Variants in SLIT2 observed in about 807,000 individuals in gnomAD.
SLIT2 encodes the protein slit homolog 2 protein.
Under a neutral mutation model 185.7 loss-of-function variants are expected in SLIT2, and 41 were observed. The observed-to-expected ratio is 0.22, with a 90% CI of 0.17 to 0.29. The LOEUF is 0.29. Ranked by LOEUF, SLIT2 falls within the 10% of genes least tolerant of loss-of-function variation. SLIT2 has a pLI of 1.00. For synonymous variants in SLIT2, 693 were observed against 680.2 expected (o/e 1.02, Z -0.29); for missense variants, 1,571 against 1,909.0 (o/e 0.82, Z 3.30).
intron 4 of SLIT2, among the ~76,000 whole-genome samples, chr4:20,432,421 A>C (rs1320039832): frequency 6.6e-6 from 1 of 152,152 alleles, no homozygotes; most frequent in Non-Finnish European, 1.5e-5. Context: ...AGGTCAGAAA[A>C]TGTGTGGGAA....
At chr4:20,530,964 A>T (rs1163270582) in intron 16 of SLIT2, among the ~76,000 whole-genome samples, 1 of 142,442 alleles carries the variant, frequency 7.0e-6, no homozygotes, top group African/African-American at 2.5e-5. Context: ...TGGAATGGCT[A>T]AAAAAAAAAA....
chr4:20,363,968 T>G (rs1722926290), intron 4 of SLIT2, among the ~76,000 whole-genome samples: 2 of 152,150 alleles, frequency 1.3e-5, no homozygotes, highest in African/African-American at 4.8e-5. Flanking sequence ...AAGCAATGTT[T>G]CTAAGTTTCT....
At position 20,291,492 on chromosome 4, in the gene SLIT2, ATTTTTTTTTTTTTT is replaced by A. The variant is rs1157453738; in HGVS notation, c.395+22629_395+22642del. On this transcript the variant is annotated intron_variant, in intron 4 of 36. Coordinates refer to ENST00000504154, the MANE Select transcript of SLIT2 (RefSeq NM_004787.4). Reference sequence around the variant, plus strand: ...TATATATATATATATATATATATATATTTTTTTTTTTTTTTTTTTTTTTTTTTTTTTACAGCAAT... The same window carrying A: ...TATATATATATATATATATATATATATTTTTTTTTTTTTTTTTACAGCAAT... 1.9e-3 allele frequency among the ~76,000 whole-genome samples: 34 copies of A among 18,238 alleles called. 1 individual carries two copies. Among genetic ancestry groups the A allele is most frequent in the African/African-American group, 5.2e-3 (22 of 4,232 alleles). The allele number at this position is 18,238 out of a possible 152,430, so 12.0% of individuals were successfully genotyped here.
At chr4:20,368,232 A>AAG (rs986669884) in intron 4 of SLIT2, among the ~76,000 whole-genome samples, 4 of 150,796 alleles carry the variant, frequency 2.7e-5, no homozygotes, top group African/African-American at 7.3e-5. Flanking sequence ...AAAAAAAAAA[A>AAG]AAGAAAAAAA....
chr4:20,387,018 G>A (rs1724981995), intron 4 of SLIT2, among the ~76,000 whole-genome samples: 1 of 152,162 alleles, frequency 6.6e-6, no homozygotes, highest in Admixed American at 6.5e-5. Flanking sequence ...TATCAGTGCT[G>A]TTCTCTTAGT....
chr4:20,561,994 G>A (rs969013600), intron 26 of SLIT2, among the ~76,000 whole-genome samples: 5 of 151,718 alleles, frequency 3.3e-5, no homozygotes, highest in African/African-American at 1.2e-4. Flanking sequence ...TTTGGCTCAG[G>A]AAGTTCATTT....
chr4:20,312,380 A>G (rs1292638260), intron 4 of SLIT2, among the ~76,000 whole-genome samples: 1 of 152,234 alleles, frequency 6.6e-6, no homozygotes, highest in Non-Finnish European at 1.5e-5. Flanking sequence ...ATTTTAGATT[A>G]TCATTTTTAA....
intron 26 of SLIT2, among the ~76,000 whole-genome samples, chr4:20,557,733 C>T (rs1469480759): frequency 2.6e-5 from 4 of 151,990 alleles, no homozygotes; most frequent in Non-Finnish European, 2.9e-5. Context: ...CATAGTGGTT[C>T]TTCTGATGGA....
chr4:20,505,295 A>C (rs1413743947), intron 9 of SLIT2, among the ~76,000 whole-genome samples: 1 of 152,114 alleles, frequency 6.6e-6, no homozygotes, highest in Non-Finnish European at 1.5e-5. Flanking sequence ...GCAGATCCAG[A>C]ATTTAGTCCA....
rs752807973 is a variant in SLIT2, at chr4:20,510,614, G to T, written c.986+48G>T. 2.5e-6 allele frequency: 3 copies of T among 1,197,930 alleles called. No individual in the cohort carries two copies. In the Admixed American group the frequency reaches 5.4e-5, roughly 21 times the overall value. 74.2% of individuals were successfully genotyped at this position (1,197,930 alleles called of 1,614,324 possible). ...TATATGTAATTTTAAAAATTATAGA[G>T]GTCATGAGACCATGCAAAGAAACTT... On this transcript the variant is annotated intron_variant, in intron 10 of 36. Coordinates refer to ENST00000504154, the MANE Select transcript of SLIT2 (RefSeq NM_004787.4).
chr4:20,608,544 T>C (rs1728959882), intron 33 of SLIT2, among the ~76,000 whole-genome samples: 1 of 152,120 alleles, frequency 6.6e-6, no homozygotes, highest in Non-Finnish European at 1.5e-5. Flanking sequence ...ACATTTAGTT[T>C]TATAAAGTTG....
intron 4 of SLIT2, among the ~76,000 whole-genome samples, chr4:20,270,129 TTTAC>T (rs1299914937): frequency 6.6e-6 from 1 of 151,996 alleles, no homozygotes; most frequent in African/African-American, 2.4e-5. Flanking sequence ...AATAACTATT[TTTAC>T]TTAGGAAATA....
chr4:20,283,442 C>G (rs1714984298), intron 4 of SLIT2, among the ~76,000 whole-genome samples: 1 of 151,978 alleles, frequency 6.6e-6, no homozygotes, highest in Non-Finnish European at 1.5e-5. Flanking sequence ...TTTGCCAAGA[C>G]CAATCTTTCC....
chr4:20,424,988 G>A (rs556494738), intron 4 of SLIT2, among the ~76,000 whole-genome samples: 1 of 152,154 alleles, frequency 6.6e-6, no homozygotes, highest in Non-Finnish European at 1.5e-5. Flanking sequence ...TGATTGATAA[G>A]GCATAATTTG....
intron 4 of SLIT2, among the ~76,000 whole-genome samples, chr4:20,466,510 C>A (rs1033112): frequency 3.9e-5 from 6 of 151,942 alleles, no homozygotes; most frequent in South Asian, 2.1e-4. Flanking sequence ...AATTGCTTAG[C>A]AAAAAAACAT....
Position 20,423,156 on chromosome 4 carries a change from G to A in SLIT2, c.396-44596G>A, listed in dbSNP as rs1728292120. Among the ~76,000 whole-genome samples the A allele has an allele frequency of 6.6e-5, 10 of 152,104 alleles. No homozygotes were observed. The South Asian group carries it at 2.1e-3, about 32-fold the overall frequency. On this transcript the variant is annotated intron_variant, in intron 4 of 36. Transcript: ENST00000504154. ...ACTAGACCCAAATTTTTAGACTACA[G>A]CCAAAGTAAATCCACGTACAGACAT...
chr4:20,321,041 G>A (rs1010351841), intron 4 of SLIT2, among the ~76,000 whole-genome samples: 1 of 152,074 alleles, frequency 6.6e-6, no homozygotes, highest in African/African-American at 2.4e-5. Flanking sequence ...CTGTAATCCA[G>A]CTACTTGAAA....
intron 16 of SLIT2, among the ~76,000 whole-genome samples, chr4:20,531,397 G>A (rs544555433): frequency 1.6e-4 from 25 of 152,246 alleles, no homozygotes; most frequent in Admixed American, 1.4e-3. Flanking sequence ...TTCCGTTTAT[G>A]CAAAATGCCC....
In SLIT2 at chr4:20,545,412, A is replaced by G. The variant is rs148449282; in HGVS notation, c.2277-619A>G. Reference sequence around the variant, plus strand: ...TCTGATTATTCTTCTGACTCTAATAAGAAGGGAAAGTTTACTTATATATGG... The same window carrying G: ...TCTGATTATTCTTCTGACTCTAATAGGAAGGGAAAGTTTACTTATATATGG... On this transcript the variant is annotated intron_variant, in intron 21 of 36. Transcript: ENST00000504154. Among the ~76,000 whole-genome samples the G allele has an allele frequency of 1.3e-3, 202 of 151,996 alleles. 1 individual carries two copies. Among genetic ancestry groups the G allele is most frequent in the African/African-American group, 4.5e-3 (187 of 41,498 alleles).
Sources: allele counts gnomAD v4.1 joint callset (sites outside exome capture counted in the v4.1 genomes callset), GRCh38; gene constraint gnomAD v4.1.1; transcripts MANE v1.5; gene names NCBI Gene and HGNC (gene_info 2026-07-23, HGNC 2026-07-21).